The following SLC7A7 variants were observed in gnomAD, a reference collection of about 807,000 sequenced individuals.
SLC7A7 encodes Y+L amino acid transporter 1.
A neutral mutation model predicts 47.9 loss-of-function variants in SLC7A7; 39 were observed. The observed-to-expected ratio is 0.81, with a 90% CI of 0.63 to 1.06. The LOEUF (loss-of-function observed/expected upper bound fraction) is 1.06, where lower values mean the gene tolerates loss of function less well. Ranked by LOEUF, SLC7A7 falls within the 50% of genes least tolerant of loss-of-function variation. The pLI is 0.00. For missense variants in SLC7A7, 588 were observed against 632.0 expected (o/e 0.93, Z 0.75); for synonymous variants, 234 against 242.8 (o/e 0.96, Z 0.34).
intron 2 of SLC7A7, among the ~76,000 whole-genome samples, chr14:22,789,823 C>G (rs1298045381): frequency 4.6e-5 from 7 of 151,946 alleles, no homozygotes; most frequent in African/African-American, 1.7e-4. Context: ...TTACTGCTGA[C>G]TTTGAAAATG....
intron 2 of SLC7A7, among the ~76,000 whole-genome samples, chr14:22,803,448 A>G (rs781063021): frequency 1.3e-5 from 2 of 152,114 alleles, no homozygotes; most frequent in Non-Finnish European, 2.9e-5. Context: ...CAGGATGGGG[A>G]ACTGAGAGTG....
At chr14:22,804,668 T>C (rs1320950228) in intron 2 of SLC7A7, among the ~76,000 whole-genome samples, 1 of 152,060 alleles carries the variant, frequency 6.6e-6, no homozygotes, top group African/African-American at 2.4e-5. Flanking sequence ...TGAGAAATCA[T>C]CTCACGTCAG....
chr14:22,795,400 TTCTTTCTTTCTTTCTTTCTTTC>T (rs1454922621), intron 2 of SLC7A7, among the ~76,000 whole-genome samples: 6 of 99,646 alleles, frequency 6.0e-5, no homozygotes, highest in African/African-American at 2.2e-4. Flanking sequence ...CTTTCTTTCT[TTCTTTCTTTCTTTCTTTCTTTC>T]TTTCTTTCTT....
chr14:22,806,057 C>T (rs1370927345), intron 2 of SLC7A7, among the ~76,000 whole-genome samples: 1 of 136,730 alleles, frequency 7.3e-6, no homozygotes, highest in East Asian at 2.4e-4. Flanking sequence ...AGGAGAATCG[C>T]TTGAAGCTGG....
Position 22,809,679 on chromosome 14 carries a change from G to A in SLC7A7, c.499+3221C>T, listed in dbSNP as rs145881480. On this transcript the variant is annotated intron_variant, in intron 2 of 9. Coordinates refer to ENST00000674313, the MANE Select transcript of SLC7A7 (RefSeq NM_003982.4). ...TAGTAGAGAGGGGGTTTCACGATCC[G>A]CCCATCTTAGCTTCCCAAAGTGCTA... Among the ~76,000 whole-genome samples, 71 of 151,898 alleles carry A rather than the reference G, an allele frequency of 4.7e-4. 1 individual carries two copies. In the East Asian group the frequency reaches 0.011, roughly 24 times the overall value.
At chr14:22,780,114 A>G (rs2038692470) in intron 2 of SLC7A7, 63 bp from the exon 3 acceptor site, 1 of 1,609,360 alleles carries the variant, frequency 6.2e-7, no homozygotes, top group Non-Finnish European at 8.5e-7. Context: ...TAGACTCCCA[A>G]GCAATTTTTC....
chr14:22,777,174 G>A (rs572723142), intron 4 of SLC7A7, among the ~76,000 whole-genome samples: 3 of 150,920 alleles, frequency 2.0e-5, no homozygotes, highest in Non-Finnish European at 4.4e-5. Context: ...AAAGCAGGGC[G>A]GGGGGGATTA....
rs1284258930 is a variant in SLC7A7 at position 22,813,164 on chromosome 14, C to T, written c.235G>A (p.Gly79Arg). 1.2e-6 allele frequency: 2 copies of T among 1,614,130 alleles called. No individual in the cohort carries two copies. The highest frequency in any genetic ancestry group is 1.1e-5 in the South Asian group (1 of 91,080). Residue 79 changes from glycine to arginine, a missense_variant, in exon 2 of 10, where the codon GGG becomes AGG. Physicochemically the swap from Gly to Arg is moderately radical, Grantham distance 125. Coordinates refer to ENST00000674313, the MANE Select transcript of SLC7A7 (RefSeq NM_003982.4). Reference protein sequence around the residue: ...FGLSLVIWAVGGLFSVFGALC... With the variant: ...FGLSLVIWAVRGLFSVFGALC... ...GCCCCAAAGACGGAGAAGAGGCCCC[C>T]GACAGCCCAGATGACCAGAGAGAGA...
At chr14:22,776,363 T>C in intron 4 of SLC7A7, 45 bp from the exon 5 acceptor site, 3 of 1,613,426 alleles carry the variant, frequency 1.9e-6, no homozygotes, top group Non-Finnish European at 2.5e-6. Context: ...CACAGTCATA[T>C]CCCTATCTCT....
Position 22,778,905 on chromosome 14 carries a change from C to G in SLC7A7, c.658G>C (p.Gly220Arg), listed in dbSNP as rs1488108533. The G allele has an allele frequency of 3.1e-6, 5 of 1,614,078 alleles. No homozygotes were observed. The highest frequency in any genetic ancestry group is 1.3e-5 in the African/African-American group (1 of 75,004). Residue 220 changes from glycine to arginine, a missense_variant, in exon 4 of 10, where the codon GGT (glycine) becomes CGT (arginine). By Grantham distance (125) the Gly-to-Arg change is moderately radical. Transcript: ENST00000674313. ...ATGTCACCCACTGCAAATGATGAAC[C>G]CTCAAAGGAATTCTCAAAATGAGTA... ...ASTHFENSFEGSSFAVGDIAL... is the reference protein window; with the variant it reads ...ASTHFENSFERSSFAVGDIAL...
intron 2 of SLC7A7, among the ~76,000 whole-genome samples, chr14:22,795,956 G>A (rs985155392): frequency 6.6e-6 from 1 of 152,050 alleles, no homozygotes; most frequent in African/African-American, 2.4e-5. Flanking sequence ...CCCCCAAAGG[G>A]ACTTGATGAT....
intron 2 of SLC7A7, among the ~76,000 whole-genome samples, chr14:22,786,586 C>T (rs577124243): frequency 6.6e-6 from 1 of 152,368 alleles, no homozygotes; most frequent in Admixed American, 6.5e-5. Flanking sequence ...CAACTCCTTT[C>T]TTTCCCACCT....
In SLC7A7 at chr14:22,776,176, G is replaced by A; in HGVS notation, c.894+19C>T. 4 of 1,614,072 alleles carry A rather than the reference G, an allele frequency of 2.5e-6. No individual in the cohort carries two copies. The highest frequency in any genetic ancestry group is 3.4e-6 in the Non-Finnish European group (4 of 1,180,002). ...CCCCACAAGACACCCTCAACCTTCT[G>A]CTAGTGAAAATCCTTTACCACAGCA... On this transcript the variant is annotated intron_variant, in intron 5 of 9. Transcript: ENST00000674313.
At chr14:22,776,403 C>G (rs1457220731) in intron 4 of SLC7A7, 85 bp from the exon 5 acceptor site, 1 of 1,559,006 alleles carries the variant, frequency 6.4e-7, no homozygotes, top group Non-Finnish European at 8.8e-7. Flanking sequence ...CCCTGCCACA[C>G]CGGTCTTTCC....
intron 2 of SLC7A7, among the ~76,000 whole-genome samples, chr14:22,788,036 G>T (rs935864992): frequency 6.6e-6 from 1 of 151,588 alleles, no homozygotes; most frequent in African/African-American, 2.4e-5. Flanking sequence ...TCGCGCCACC[G>T]CACTCCAGCC....
At chr14:22,775,704 C>T in intron 6 of SLC7A7, 129 bp downstream of exon 6, 1 of 932,586 alleles carries the variant, frequency 1.1e-6, no homozygotes, top group East Asian at 2.4e-5. Context: ...CAGGCTTCTG[C>T]TAGAAACAAG....
upstream of SLC7A7, chr14:22,815,523 G>A: frequency 2.2e-6 from 1 of 454,270 alleles, no homozygotes; most frequent in Non-Finnish European, 4.4e-6. Flanking sequence ...AGGGGGAAAG[G>A]AGTATTAAGC....
intron 2 of SLC7A7, among the ~76,000 whole-genome samples, chr14:22,782,752 A>C (rs1594951958): frequency 6.7e-6 from 1 of 148,914 alleles, no homozygotes. Context: ...GTGAGCCACC[A>C]CACCCGTCCC....
intron 2 of SLC7A7, among the ~76,000 whole-genome samples, chr14:22,800,025 C>T (rs10134338): frequency 0.17 from 26,347 of 152,022 alleles, 2,453 homozygotes; most frequent in African/African-American, 0.22. Flanking sequence ...ACAACTTCCA[C>T]TCATATCTAC....
Sources: gnomAD v4.1 joint callset for allele counts (sites outside exome capture counted in the v4.1 genomes callset) on GRCh38, gnomAD v4.1.1 for gene constraint, MANE v1.5 for transcripts, NCBI Gene and HGNC (gene_info 2026-07-23, HGNC 2026-07-21) for gene names.